The following ILDR2 variants were observed in gnomAD, a reference collection of about 807,000 sequenced individuals.
ILDR2 encodes immunoglobulin-like domain-containing receptor 2.
A neutral mutation model predicts 66.8 loss-of-function variants in ILDR2; 25 were observed. The observed-to-expected ratio is 0.37, with a 90% CI of 0.27 to 0.52. ILDR2 has a LOEUF of 0.52. Ranked by LOEUF, ILDR2 falls within the 20% of genes least tolerant of loss-of-function variation. The pLI is 0.88. For missense variants in ILDR2, 827 were observed against 876.8 expected (o/e 0.94, Z 0.72); for synonymous variants, 367 against 357.2 (o/e 1.03, Z -0.31).
chr1:166,949,371 A>G (rs1428593590), intron 3 of ILDR2, among the ~76,000 whole-genome samples: 1 of 152,266 alleles, frequency 6.6e-6, no homozygotes, highest in Non-Finnish European at 1.5e-5. Flanking sequence ...TAACTGCTTC[A>G]GAAATATATC....
chr1:166,937,004 G>T (rs1014080893), intron 4 of ILDR2, among the ~76,000 whole-genome samples: 1 of 152,140 alleles, frequency 6.6e-6, no homozygotes, highest in Non-Finnish European at 1.5e-5. Context: ...ACAATGTGGG[G>T]ATTTCAGAGT....
At chr1:166,920,645 T>C (rs75773431) in intron 9 of ILDR2, 62 bp downstream of exon 9, 16,046 of 1,337,678 alleles carry the variant, frequency 0.012, 97 homozygotes, top group African/African-American at 0.024. Context: ...GCGACACTGC[T>C]CGCCCTGCCT....
rs1208271674 is a variant in ILDR2 at position 166,909,749 on chromosome 1, A to ATT, written c.*9605_*9606insAA. The stretch of plus-strand genomic sequence containing the variant: ...TGTGTATACATACATATATATATAT[A>ATT]TATATATATAAATATATATAAATAT... On this transcript the variant is annotated 3_prime_UTR_variant, in exon 10 of 10. Transcript: ENST00000271417. 13 of 111,514 alleles carry ATT rather than the reference A, an allele frequency of 1.2e-4. No homozygotes were observed. Among genetic ancestry groups the ATT allele is most frequent in the East Asian group, 2.7e-4 (1 of 3,768 alleles). The allele number at this position is 111,514 out of a possible 1,614,324, so 6.9% of individuals were successfully genotyped here. A position where few individuals can be genotyped will look rare whatever the true frequency, so the allele number is the denominator to read the frequency against.
chr1:166,946,023 C>G (rs907184170), intron 3 of ILDR2, among the ~76,000 whole-genome samples: 15 of 152,210 alleles, frequency 9.9e-5, no homozygotes, highest in Non-Finnish European at 1.9e-4. Flanking sequence ...ACCCCCTGTT[C>G]TGTCATCTCC....
Position 166,912,539 on chromosome 1 carries a change from A to C in ILDR2, c.*6816T>G, listed in dbSNP as rs1392969874. ...AATAATACAAAATCCAGAGGTAATC[A>C]AACTGTTTTAGAGTCTATCTTTAAG... On this transcript the variant is annotated 3_prime_UTR_variant, in exon 10 of 10. Transcript: ENST00000271417. The C allele has an allele frequency of 4.6e-5, 7 of 152,350 alleles. No individual in the cohort carries two copies. The highest frequency in any genetic ancestry group is 1.7e-4 in the African/African-American group (7 of 41,584). The allele number at this position is 152,350 out of a possible 1,614,324, so 9.4% of individuals were successfully genotyped here. A position where few individuals can be genotyped will look rare whatever the true frequency, so the allele number is the denominator to read the frequency against.
intron 2 of ILDR2, among the ~76,000 whole-genome samples, chr1:166,898,704 A>T (rs939951474): frequency 1.3e-5 from 2 of 152,182 alleles, no homozygotes; most frequent in African/African-American, 4.8e-5. Context: ...TGCCAAAGAC[A>T]TTCATTTTTT....
chr1:166,941,514 C>T (rs138000325), intron 3 of ILDR2, among the ~76,000 whole-genome samples: 2 of 152,168 alleles, frequency 1.3e-5, no homozygotes, highest in African/African-American at 4.8e-5. Context: ...CTCTCGGAAA[C>T]TCAACGAGGT....
intron 1 of ILDR2, among the ~76,000 whole-genome samples, chr1:166,964,942 C>T (rs1464087404): frequency 6.6e-6 from 1 of 152,146 alleles, no homozygotes; most frequent in African/African-American, 2.4e-5. Flanking sequence ...CTATTCCTGC[C>T]AGCATCTTTG....
At chr1:166,941,909 C>A (rs776905620) in intron 3 of ILDR2, among the ~76,000 whole-genome samples, 1 of 152,110 alleles carries the variant, frequency 6.6e-6, no homozygotes, top group Admixed American at 6.5e-5. Flanking sequence ...CTATAAAAAT[C>A]CATACATTCA....
In ILDR2 at chr1:166,920,912, G is replaced by C. The variant is rs369124503; in HGVS notation, c.1679C>G (p.Pro560Arg). ...CCAAGCGTAGTAGGAGGCGCTGCGC[G>C]GGCCGAGCTGCGCGCTCCGCTTGGA... is the stretch of plus-strand genomic sequence containing the variant. ...TPSKRSAQLG[P>R]RSASYYAWSP... The change falls in exon 9 of 10, where the codon CCG (proline) becomes CGG (arginine). Residue 560 changes from proline (P) to arginine (R), a missense_variant. Pro to Arg is a moderately radical substitution (Grantham distance 103). Around this residue, in one of 2 missense-constraint regions of ILDR2, gnomAD observed 390 missense variants for 353.6 expected, o/e 1.10. Coordinates refer to ENST00000271417, the MANE Select transcript of ILDR2 (RefSeq NM_199351.3). 1.4e-6 allele frequency: 2 copies of C among 1,475,696 alleles called. No homozygotes were observed. Among genetic ancestry groups the C allele is most frequent in the East Asian group, 2.9e-5 (1 of 35,062 alleles). The allele number at this position is 1,475,696 out of a possible 1,614,324, so 91.4% of individuals were successfully genotyped here. A position where few individuals can be genotyped will look rare whatever the true frequency, so the allele number is the denominator to read the frequency against.
downstream of ILDR2, among the ~76,000 whole-genome samples, chr1:166,907,368 CT>C (rs1199967602): frequency 6.6e-6 from 1 of 152,222 alleles, no homozygotes; most frequent in Non-Finnish European, 1.5e-5. Context: ...CCTACTGTGA[CT>C]GACTTGAGTA....
At chr1:166,933,450 G>A (rs1445236252) in intron 6 of ILDR2, 40 of 453,830 alleles carry the variant, frequency 8.8e-5, no homozygotes, top group Non-Finnish European at 1.2e-4. Context: ...GTCCTTCAGG[G>A]CTGCCACCTG....
rs906550127 is a variant in ILDR2, at chr1:166,909,909, G to A, written c.*9446C>T. Reference sequence around the variant, plus strand: ...TTCTACACAAAATTTGTAACAAAATGTGAGAAAATATCTCCAGAGAGCAAG... The same window carrying A: ...TTCTACACAAAATTTGTAACAAAATATGAGAAAATATCTCCAGAGAGCAAG... On this transcript the variant is annotated 3_prime_UTR_variant, in exon 10 of 10. Coordinates refer to ENST00000271417, the MANE Select transcript of ILDR2 (RefSeq NM_199351.3). The A allele has an allele frequency of 4.0e-5, 6 of 150,496 alleles. No individual in the cohort carries two copies. The South Asian group carries it at 1.3e-3, about 32-fold the overall frequency. The allele number at this position is 150,496 out of a possible 1,614,324, so 9.3% of individuals were successfully genotyped here. A position where few individuals can be genotyped will look rare whatever the true frequency, so the allele number is the denominator to read the frequency against.
intron 3 of ILDR2, among the ~76,000 whole-genome samples, chr1:166,947,373 G>A: frequency 6.6e-6 from 1 of 152,206 alleles, no homozygotes; most frequent in East Asian, 1.9e-4. Context: ...CACACACTTG[G>A]TAGGTCTCAA....
chr1:166,923,517 C>CA (rs1397782476), intron 7 of ILDR2, among the ~76,000 whole-genome samples: 1 of 152,168 alleles, frequency 6.6e-6, no homozygotes, highest in Non-Finnish European at 1.5e-5. Flanking sequence ...TCCCCTCTCC[C>CA]AAAAAAGTTT....
intron 3 of ILDR2, among the ~76,000 whole-genome samples, chr1:166,941,365 A>C (rs542206111): frequency 6.6e-6 from 1 of 152,220 alleles, no homozygotes; most frequent in African/African-American, 2.4e-5. Flanking sequence ...CTAAGCCTTC[A>C]TAAAAGACTA....
At chr1:166,907,315 C>A (rs1316805484), downstream of ILDR2, 1 of 152,204 alleles carries the variant, frequency 6.6e-6, no homozygotes, top group African/African-American at 2.4e-5. Flanking sequence ...CAATAGCCCT[C>A]AAGTGTCTGG....
At chr1:166,964,036 G>A (rs1438713340) in intron 1 of ILDR2, among the ~76,000 whole-genome samples, 1 of 151,886 alleles carries the variant, frequency 6.6e-6, no homozygotes, top group Non-Finnish European at 1.5e-5. Flanking sequence ...CTAGAGAGAG[G>A]CACCTTAGGA....
At chr1:166,975,178 C>T (rs1428192099) in intron 1 of ILDR2, 45 bp downstream of exon 1, 1 of 1,491,302 alleles carries the variant, frequency 6.7e-7, no homozygotes, top group Admixed American at 1.7e-5. Flanking sequence ...AGAACCACTA[C>T]AGGAATATAC....
Sources: gnomAD v4.1 joint callset for allele counts (sites outside exome capture counted in the v4.1 genomes callset) on GRCh38, gnomAD v4.1.1 for gene constraint, gnomAD v4.1.1 regional missense constraint, MANE v1.5 for transcripts, NCBI Gene and HGNC (gene_info 2026-07-23, HGNC 2026-07-21) for gene names.